The following ASXL1 variants were observed in gnomAD, a reference collection of about 807,000 sequenced individuals.
ASXL1 encodes the protein polycomb group protein ASXL1.
A neutral mutation model predicts 89.1 loss-of-function variants in ASXL1; 65 were observed. The observed-to-expected ratio is 0.73, with a 90% confidence interval of 0.60 to 0.90. The LOEUF is 0.90. Ranked by LOEUF, ASXL1 falls within the 40% of genes least tolerant of loss-of-function variation. The pLI is 0.00. For synonymous variants in ASXL1, 739 were observed against 746.9 expected (o/e 0.99, Z 0.17); for missense variants, 1,786 against 1,942.9 (o/e 0.92, Z 1.52).
Position 32,433,004 on chromosome 20 carries a change from TG to T in ASXL1, c.1085+20del. 6.2e-7 allele frequency: 1 copy of T among 1,613,174 alleles called. No homozygotes were observed. Among genetic ancestry groups the T allele is most frequent in the Non-Finnish European group, 8.5e-7 (1 of 1,179,930 alleles). ...GACAGAAGTAAGGCAGTTGGAGCTATGAGTCCTGGTCTGGGGTTTTGAGGGG... is the reference window on the plus strand; with the variant it reads ...GACAGAAGTAAGGCAGTTGGAGCTATAGTCCTGGTCTGGGGTTTTGAGGGG... On this transcript the variant is annotated intron_variant, in intron 11 of 12. Transcript: ENST00000375687.
At chr20:32,431,099 GT>G in intron 8 of ASXL1, 1 of 693,740 alleles carries the variant, frequency 1.4e-6, no homozygotes, top group Admixed American at 2.0e-5. Flanking sequence ...ACGGTACAGA[GT>G]TTTGTCTGAG....
chr20:32,418,809 C>CTTTTTTTTTTTTTTTT (rs71338437), intron 4 of ASXL1, among the ~76,000 whole-genome samples: 2 of 55,746 alleles, frequency 3.6e-5, no homozygotes, highest in African/African-American at 6.7e-5. Flanking sequence ...GAATTGACAT[C>CTTTTTTTTTTTTTTTT]TTTTTTTTTT....
At position 32,434,456 on chromosome 20, in the gene ASXL1, C is replaced by T. The variant is rs1488971611; in HGVS notation, c.1744C>T (p.Pro582Ser). The change falls in exon 13 of 13, where the codon CCC becomes TCC. Residue 582 changes from proline (P) to serine (S), a missense_variant. By Grantham distance (74) the Pro-to-Ser change is moderately conservative. This residue lies in a region of ASXL1 where 1,418 missense variants were observed against 1,427.8 expected (regional missense o/e 0.99). Coordinates refer to ENST00000375687, the MANE Select transcript of ASXL1 (RefSeq NM_015338.6). ...IRIQLSRIKP[P>S]WVVKGQPTYQ... ...GATTCAACTTTCACGTATCAAACCA[C>T]CCTGGGTGGTTAAAGGTCAGCCCAC... The T allele has an allele frequency of 1.9e-5, 31 of 1,614,102 alleles. No homozygotes were observed. The highest frequency in any genetic ancestry group is 2.5e-5 in the Non-Finnish European group (30 of 1,180,020).
intron 4 of ASXL1, among the ~76,000 whole-genome samples, chr20:32,378,158 T>TGTGTGTG (rs1555902407): frequency 1.5e-5 from 2 of 130,226 alleles, no homozygotes; most frequent in Non-Finnish European, 3.2e-5. Context: ...GCTGAGTAAT[T>TGTGTGTG]TGTGTGTGTG....
At chr20:32,366,516 CT>C (rs780090674) in intron 2 of ASXL1, 50 bp downstream of exon 2, 2 of 1,613,042 alleles carry the variant, frequency 1.2e-6, no homozygotes, top group Admixed American at 3.3e-5. Flanking sequence ...GGATATGTGT[CT>C]TTCTGTAGTT....
chr20:32,404,463 A>G (rs952508591), intron 4 of ASXL1, among the ~76,000 whole-genome samples: 3 of 152,200 alleles, frequency 2.0e-5, no homozygotes, highest in African/African-American at 7.2e-5. Flanking sequence ...ATATATAGAC[A>G]TTATTGATGT....
Position 32,358,809 on chromosome 20 carries a change from A to T in ASXL1, c.34A>T (p.Thr12Ser). ...KDKQKKKKER[T>S]WAEAARLVLE... is the part of the protein sequence containing the mutation. ...CAAACAGAAGAAGAAGAAGGAGCGC[A>T]CGTGGGCCGAGGCCGCGCGCCTGGT... Residue 12 changes from threonine to serine, a missense_variant, in exon 1 of 13, where the codon ACG becomes TCG. Transcript: ENST00000375687. The T allele has an allele frequency of 6.9e-7, 1 of 1,445,558 alleles. No homozygotes were observed. Among genetic ancestry groups the T allele is most frequent in the Non-Finnish European group, 9.2e-7 (1 of 1,089,668 alleles). The allele number at this position is 1,445,558 out of a possible 1,614,324, so 89.5% of individuals were successfully genotyped here. A position where few individuals can be genotyped will look rare whatever the true frequency, so the allele number is the denominator to read the frequency against.
At chr20:32,363,262 TA>T (rs11482132) in intron 1 of ASXL1, among the ~76,000 whole-genome samples, 27 of 150,630 alleles carry the variant, frequency 1.8e-4, no homozygotes, top group African/African-American at 5.8e-4. Context: ...TCATGCTTCT[TA>T]AAAAAAAAAG....
Position 32,434,728 on chromosome 20 carries a change from T to G in ASXL1, c.2016T>G (p.Cys672Trp). The change falls in exon 13 of 13, where the codon TGT (cysteine) becomes TGG (tryptophan). Residue 672 changes from cysteine to tryptophan, a missense_variant. Around this residue, in one of 3 missense-constraint regions of ASXL1, gnomAD observed 1,418 missense variants for 1,427.8 expected, o/e 0.99. Transcript: ENST00000375687. ...GCAGTGGTGATGGTGGTGAGGCCTG[T>G]GGCCACCCTGAGCCCAGGGGAGGCC... The part of the protein sequence containing the change: ...GSSSGDGGEA[C>W]GHPEPRGGPS... 1 of 1,612,128 alleles carries G rather than the reference T, an allele frequency of 6.2e-7. No individual in the cohort carries two copies. The highest frequency in any genetic ancestry group is 8.5e-7 in the Non-Finnish European group (1 of 1,179,490).
intron 4 of ASXL1, among the ~76,000 whole-genome samples, chr20:32,369,959 TC>T (rs1403255597): frequency 6.6e-6 from 1 of 151,890 alleles, no homozygotes; most frequent in Non-Finnish European, 1.5e-5. Flanking sequence ...GACCTTGTGA[TC>T]CGTCCGCCTT....
At chr20:32,431,546 T>TA (rs2011513411) in intron 9 of ASXL1, 37 bp from the exon 10 acceptor site, 1 of 1,613,972 alleles carries the variant, frequency 6.2e-7, no homozygotes, top group African/African-American at 1.3e-5. Flanking sequence ...CTTTTAAGTT[T>TA]ATTTATTAGG....
At chr20:32,428,722 A>G (rs568750008) in intron 6 of ASXL1, 275 of 317,848 alleles carry the variant, frequency 8.7e-4, no homozygotes, top group Non-Finnish European at 1.4e-3. Context: ...GTGCAGTGGC[A>G]TGATCTCCGC....
intron 4 of ASXL1, among the ~76,000 whole-genome samples, chr20:32,389,127 C>T (rs1041296589): frequency 6.6e-6 from 1 of 151,882 alleles, no homozygotes; most frequent in Admixed American, 6.6e-5. Flanking sequence ...GATTCTTTTG[C>T]TTTTAACCCA....
rs1404378563 is a variant in ASXL1 at position 32,435,790 on chromosome 20, A to C, written c.3078A>C (p.Gly1026=). ...CTAGAGAAGCTGCAGTGACAAAGGGATCTTCGGTGGACAAGGATGAGAAAC... is the reference window on the plus strand; with the variant it reads ...CTAGAGAAGCTGCAGTGACAAAGGGCTCTTCGGTGGACAAGGATGAGAAAC... The part of the protein sequence containing the change: ...ADTREAAVTK[G]SSVDKDEKPN... Residue 1026 remains glycine (G), a synonymous_variant, in exon 13 of 13, where the codon GGA becomes GGC. Transcript: ENST00000375687. 1 of 1,614,214 alleles carries C rather than the reference A, an allele frequency of 6.2e-7. No homozygotes were observed. Among genetic ancestry groups the C allele is most frequent in the South Asian group, 1.1e-5 (1 of 91,084 alleles).
intron 4 of ASXL1, among the ~76,000 whole-genome samples, chr20:32,401,544 G>GTGTGTGTTT (rs35101542): frequency 1.4e-4 from 10 of 69,328 alleles, no homozygotes; most frequent in East Asian, 4.4e-4. Context: ...GTGTGTGTGT[G>GTGTGTGTTT]TTTTTTCCCC....
intron 4 of ASXL1, among the ~76,000 whole-genome samples, chr20:32,385,442 C>G (rs1480951564): frequency 2.0e-5 from 3 of 152,254 alleles, no homozygotes; most frequent in African/African-American, 7.2e-5. Context: ...ATAATTTCTT[C>G]TGAATGATGC....
At chr20:32,367,859 G>A (rs1600473554) in intron 3 of ASXL1, 130 bp downstream of exon 3, 1 of 723,294 alleles carries the variant, frequency 1.4e-6, no homozygotes, top group Non-Finnish European at 2.5e-6. Flanking sequence ...TGTAGACAGA[G>A]GTATAATATG....
At chr20:32,431,067 C>T (rs1187205944) in intron 8 of ASXL1, 8 of 653,468 alleles carry the variant, frequency 1.2e-5, no homozygotes, top group Non-Finnish European at 2.0e-5. Context: ...TGGGAAGTGT[C>T]CTTTTCAGGC....
At position 32,435,613 on chromosome 20, in the gene ASXL1, C is replaced by T. The variant is rs2011792891; in HGVS notation, c.2901C>T (p.Gly967=). ...TSLWTVPSRG[G]SDSNGSYCQQ... is the part of the protein sequence containing the mutation. Reference sequence around the variant, plus strand: ...TCTGGACTGTGCCATCTCGAGGAGGCAGTGACAGCAATGGCAGTTACTGTC... The same window carrying T: ...TCTGGACTGTGCCATCTCGAGGAGGTAGTGACAGCAATGGCAGTTACTGTC... Residue 967 remains glycine, a synonymous_variant, in exon 13 of 13, where the codon GGC becomes GGT. Coordinates refer to ENST00000375687, the MANE Select transcript of ASXL1 (RefSeq NM_015338.6). The T allele has an allele frequency of 6.2e-7, 1 of 1,614,096 alleles. No homozygotes were observed. Among genetic ancestry groups the T allele is most frequent in the Non-Finnish European group, 8.5e-7 (1 of 1,180,024 alleles).
Sources: allele counts gnomAD v4.1 joint callset (sites outside exome capture counted in the v4.1 genomes callset), GRCh38; gene constraint gnomAD v4.1.1; regional missense constraint gnomAD v4.1.1; transcripts MANE v1.5; gene names NCBI Gene and HGNC (gene_info 2026-07-23, HGNC 2026-07-21).